MORC1: variants seen among roughly 807,000 people sequenced by gnomAD.
The protein encoded by MORC1 is MORC family CW-type zinc finger 1.
In MORC1, 59 loss-of-function variants were observed where a neutral mutation model predicts 134.9. That is an observed-to-expected ratio of 0.44 (90% CI 0.35 to 0.54). The LOEUF is 0.54. MORC1 is among the 20% of genes least tolerant of loss of function. MORC1 has a pLI of 0.00. For missense variants in MORC1, 947 were observed against 1,134.5 expected (o/e 0.83, Z 2.37); for synonymous variants, 395 against 391.7 (o/e 1.01, Z -0.10).
At chr3:109,101,138 T>C (rs1293491983) in intron 4 of MORC1, among the ~76,000 whole-genome samples, 2 of 152,196 alleles carry the variant, frequency 1.3e-5, no homozygotes, top group Non-Finnish European at 2.9e-5. Flanking sequence ...CTGATGAAGA[T>C]AAATGAAACA....
intron 21 of MORC1, among the ~76,000 whole-genome samples, chr3:108,997,757 CT>C (rs961382138): frequency 5.9e-5 from 9 of 151,268 alleles, no homozygotes; most frequent in South Asian, 2.1e-4. Flanking sequence ...GTAACAAATA[CT>C]TTTTTTTTCA....
chr3:109,098,081 T>C (rs1950860577), intron 6 of MORC1, among the ~76,000 whole-genome samples: 1 of 152,150 alleles, frequency 6.6e-6, no homozygotes. Flanking sequence ...TTTTTATTTT[T>C]ATTTTATTTT....
At chr3:109,051,193 G>A (rs1949816887) in intron 14 of MORC1, among the ~76,000 whole-genome samples, 1 of 152,138 alleles carries the variant, frequency 6.6e-6, no homozygotes, top group African/African-American at 2.4e-5. Flanking sequence ...AGTAAATGTA[G>A]ATTTGATAAA....
At chr3:109,054,138 C>A (rs868546735) in intron 14 of MORC1, among the ~76,000 whole-genome samples, 1 of 151,880 alleles carries the variant, frequency 6.6e-6, no homozygotes, top group African/African-American at 2.4e-5. Context: ...AAAAATTAGG[C>A]GGGCGTGGTG....
chr3:108,969,570 G>A, intron 26 of MORC1, 99 bp downstream of exon 26: 1 of 1,220,886 alleles, frequency 8.2e-7, no homozygotes, highest in Non-Finnish European at 1.2e-6. Flanking sequence ...ATGCAAATTT[G>A]ATTTCCTTTC....
chr3:109,113,277 GA>G (rs2107807873), intron 2 of MORC1, among the ~76,000 whole-genome samples: 1 of 152,304 alleles, frequency 6.6e-6, no homozygotes, highest in South Asian at 2.1e-4. Flanking sequence ...TCATGGCTCT[GA>G]ACAAGACTTT....
chr3:108,972,208 A>G (rs537547494), intron 24 of MORC1, among the ~76,000 whole-genome samples: 1 of 152,302 alleles, frequency 6.6e-6, no homozygotes, highest in East Asian at 1.9e-4. Flanking sequence ...TTCTAGGATT[A>G]ATCACCTATA....
chr3:109,111,207 G>T (rs13075224), intron 2 of MORC1, among the ~76,000 whole-genome samples: 6,304 of 152,104 alleles, frequency 0.041, 291 homozygotes, highest in African/African-American at 0.11. Flanking sequence ...TGGAAGGAAA[G>T]AAATCAACAT....
At chr3:109,000,976 ATGT>A (rs1948388653) in intron 20 of MORC1, among the ~76,000 whole-genome samples, 3 of 152,164 alleles carry the variant, frequency 2.0e-5, no homozygotes, top group Non-Finnish European at 2.9e-5. Flanking sequence ...GAGTAATCAA[ATGT>A]TGTTTCAATT....
intron 8 of MORC1, among the ~76,000 whole-genome samples, chr3:109,082,059 C>T (rs1343085070): frequency 6.6e-6 from 1 of 152,066 alleles, no homozygotes; most frequent in Non-Finnish European, 1.5e-5. Flanking sequence ...CATCACACTG[C>T]AGGAAGTATG....
intron 13 of MORC1, among the ~76,000 whole-genome samples, chr3:109,056,469 C>G (rs367764774): frequency 6.6e-6 from 1 of 152,254 alleles, no homozygotes; most frequent in East Asian, 1.9e-4. Context: ...CCTCGTGATC[C>G]GCCCACCTCG....
chr3:108,981,517 C>T (rs578141770), intron 23 of MORC1, among the ~76,000 whole-genome samples: 2 of 151,966 alleles, frequency 1.3e-5, no homozygotes, highest in Admixed American at 1.3e-4. Context: ...TTTCTTTAAC[C>T]ATTTTAGGGA....
At chr3:109,003,345 A>C (rs1023741882) in intron 20 of MORC1, among the ~76,000 whole-genome samples, 1 of 150,190 alleles carries the variant, frequency 6.7e-6, no homozygotes, top group Non-Finnish European at 1.5e-5. Context: ...ATCTACATGA[A>C]GTGTGTGTAT....
At chr3:108,991,716 G>A (rs981633673) in intron 21 of MORC1, among the ~76,000 whole-genome samples, 3 of 152,090 alleles carry the variant, frequency 2.0e-5, no homozygotes, top group Non-Finnish European at 4.4e-5. Flanking sequence ...CTGATCTCAT[G>A]ACACACGTGA....
At chr3:108,959,677 A>G (rs1466752851) in intron 27 of MORC1, among the ~76,000 whole-genome samples, 1 of 152,154 alleles carries the variant, frequency 6.6e-6, no homozygotes, top group African/African-American at 2.4e-5. Flanking sequence ...AGTTAGACGT[A>G]TGAGTTGGGT....
At chr3:108,982,879 T>G (rs1464912232) in intron 23 of MORC1, among the ~76,000 whole-genome samples, 1 of 151,948 alleles carries the variant, frequency 6.6e-6, no homozygotes, top group African/African-American at 2.4e-5. Flanking sequence ...CTGATTTCTA[T>G]CTCCATGGAT....
intron 4 of MORC1, among the ~76,000 whole-genome samples, chr3:109,101,173 G>A (rs997062887): frequency 2.0e-5 from 3 of 152,172 alleles, no homozygotes; most frequent in African/African-American, 7.2e-5. Flanking sequence ...ATGTATTTGT[G>A]AAATCCTGAA....
intron 24 of MORC1, among the ~76,000 whole-genome samples, chr3:108,971,896 C>T (rs369190076): frequency 1.3e-5 from 2 of 152,222 alleles, no homozygotes; most frequent in East Asian, 1.9e-4. Context: ...CACAATGCCT[C>T]GCAATCCATG....
chr3:109,089,197 A>G (rs1382280452), intron 8 of MORC1, among the ~76,000 whole-genome samples: 3 of 152,100 alleles, frequency 2.0e-5, no homozygotes, highest in African/African-American at 7.2e-5. Flanking sequence ...CTACATGTGT[A>G]CCCCTGAACC....
Sources: allele counts gnomAD v4.1 joint callset (sites outside exome capture counted in the v4.1 genomes callset), GRCh38; gene constraint gnomAD v4.1.1; transcripts MANE v1.5; gene names NCBI Gene and HGNC (gene_info 2026-07-23, HGNC 2026-07-21).